ANKRD11: variants seen among roughly 807,000 people sequenced by gnomAD.
The protein encoded by ANKRD11 is ankyrin repeat domain-containing protein 11.
A neutral mutation model predicts 195.7 loss-of-function variants in ANKRD11; 17 were observed. That is an observed-to-expected ratio of 0.09 (90% CI 0.06 to 0.13). The LOEUF (loss-of-function observed/expected upper bound fraction) is 0.13. Ranked by LOEUF, ANKRD11 falls within the 10% of genes least tolerant of loss-of-function variation. The pLI, the probability that ANKRD11 is intolerant of heterozygous loss-of-function variation, is 1.00. For synonymous variants in ANKRD11, 1,953 were observed against 1,528.1 expected, an observed-to-expected ratio of 1.28 and a Z score of -6.49; for missense variants, 3,735 against 3,566.1, an observed-to-expected ratio of 1.05 and a Z score of -1.21.
intron 1 of ANKRD11, among the ~76,000 whole-genome samples, chr16:89,456,167 G>A (rs1299002227): frequency 6.6e-6 from 1 of 151,726 alleles, no homozygotes; most frequent in Non-Finnish European, 1.5e-5. Context: ...TTGAACCCAG[G>A]AGGCGGATGT....
intron 4 of ANKRD11, among the ~76,000 whole-genome samples, chr16:89,295,985 C>CTTTTTTTTTTTTTTTTTTTTTTTT (rs60214636): frequency 2.7e-4 from 12 of 45,144 alleles, no homozygotes; most frequent in Admixed American, 6.8e-4. Context: ...ATCTGGCTGC[C>CTTTTTTTTTTTTTTTTTTTTTTTT]TTTTTTTTTT....
intron 1 of ANKRD11, among the ~76,000 whole-genome samples, chr16:89,449,187 C>CAA (rs397778191): frequency 1.6e-4 from 12 of 73,426 alleles, no homozygotes; most frequent in African/African-American, 3.8e-4. Context: ...CCAGTCTCTA[C>CAA]AAAAAAAAAA....
intron 2 of ANKRD11, among the ~76,000 whole-genome samples, chr16:89,380,433 T>G (rs1467413971): frequency 1.3e-5 from 2 of 152,106 alleles, no homozygotes; most frequent in African/African-American, 2.4e-5. Context: ...TTTTAACTCC[T>G]TTTCTCCTAA....
chr16:89,271,265 G>A (rs1470150855), intron 11 of ANKRD11: 9 of 347,036 alleles, frequency 2.6e-5, no homozygotes, highest in East Asian at 7.3e-5. Context: ...AAGAGACAGA[G>A]TTTCGCTTGT....
chr16:89,291,617 T>A lies in ANKRD11; in HGVS notation c.227-434A>T. On this transcript the variant is annotated intron_variant, in intron 4 of 12. Coordinates refer to ENST00000301030, the MANE Select transcript of ANKRD11 (RefSeq NM_013275.6). This position sits in a 1 kb window ranked among gnomAD's most constrained non-coding sequence, Gnocchi z 5.3. ...CCGTCCCTCCTCCAAACAGTGCAGA[T>A]ATAAAATGGCAGACACAGTTTAAAA... is the stretch of plus-strand genomic sequence containing the variant. The A allele has an allele frequency of 8.4e-7, 1 of 1,186,792 alleles. No individual in the cohort carries two copies. Among genetic ancestry groups the A allele is most frequent in the South Asian group, 1.3e-5 (1 of 78,866 alleles). 73.5% of individuals were successfully genotyped at this position (1,186,792 alleles called of 1,614,324 possible).
chr16:89,305,212 CCGAGTCCTTCTG>C lies in ANKRD11; in HGVS notation c.208_219del (p.Gln70_Ser73del), dbSNP rs762095535. On this transcript the variant is annotated inframe_deletion, in exon 4 of 13. Transcript: ENST00000301030. ...AGGGGCCGCGGGCTGGTACCTGTGT[CCGAGTCCTTCTG>C]CTCCCCATTGGCGCCCGCGGTGAAG... The C allele has an allele frequency of 1.4e-5, 22 of 1,612,546 alleles. No homozygotes were observed. Among genetic ancestry groups the C allele is most frequent in the Non-Finnish European group, 1.9e-5 (22 of 1,179,784 alleles).
chr16:89,445,864 G>A (rs2043761744), intron 1 of ANKRD11, among the ~76,000 whole-genome samples: 4 of 152,034 alleles, frequency 2.6e-5, no homozygotes, highest in Non-Finnish European at 5.9e-5. Context: ...AGCTACTCAG[G>A]AGGCTGAGGC....
In ANKRD11 at chr16:89,396,551, A is replaced by G. The variant is rs558131045; in HGVS notation, c.-60+21733T>C. Among the ~76,000 whole-genome samples the G allele has an allele frequency of 7.3e-5, 11 of 151,644 alleles. No homozygotes were observed. In the South Asian group the frequency reaches 2.3e-3, roughly 31 times the overall value. The stretch of plus-strand genomic sequence containing the variant: ...TTTTCCCACTAGATTTTTTTTTTGT[A>G]TACTTCAACTAGAACAACATATTTA... On this transcript the variant is annotated intron_variant, in intron 2 of 12. Transcript: ENST00000301030.
In ANKRD11 at chr16:89,270,680, A is replaced by G. The variant is rs115618588; in HGVS notation, c.7806+137T>C. On this transcript the variant is annotated intron_variant, in intron 12 of 12. Coordinates refer to ENST00000301030, the MANE Select transcript of ANKRD11 (RefSeq NM_013275.6). The stretch of plus-strand genomic sequence containing the variant: ...CGAAAGCATCGGCCAGATTAAGAGA[A>G]TCTGAAATTGTCACCGCCCATCACA... 499 of 856,338 alleles carry G rather than the reference A, an allele frequency of 5.8e-4. 2 individuals are homozygous for G. In the African/African-American group the frequency reaches 7.6e-3, roughly 13 times the overall value. The allele number at this position is 856,338 out of a possible 1,614,324, so 53.0% of individuals were successfully genotyped here.
At chr16:89,418,930 C>T (rs2042405306) in intron 1 of ANKRD11, among the ~76,000 whole-genome samples, 1 of 151,980 alleles carries the variant, frequency 6.6e-6, no homozygotes, top group African/African-American at 2.4e-5. Flanking sequence ...CCACCCACCC[C>T]CGGCTGATCT....
chr16:89,343,516 A>G (rs1336972821), intron 2 of ANKRD11, among the ~76,000 whole-genome samples: 1 of 152,200 alleles, frequency 6.6e-6, no homozygotes. Context: ...CGAGCAAATG[A>G]GACAGAGCTC....
At chr16:89,370,149 G>T (rs1006188134) in intron 2 of ANKRD11, among the ~76,000 whole-genome samples, 21 of 152,250 alleles carry the variant, frequency 1.4e-4, no homozygotes, top group Non-Finnish European at 1.6e-4. Context: ...TCAGTAAAAT[G>T]CTCTTTGCAT....
At chr16:89,479,295 C>T (rs1216371005) in intron 1 of ANKRD11, among the ~76,000 whole-genome samples, 1 of 151,808 alleles carries the variant, frequency 6.6e-6, no homozygotes, top group Admixed American at 6.6e-5. Context: ...ACACTAATTA[C>T]AAGGAAAGTT....
intron 2 of ANKRD11, among the ~76,000 whole-genome samples, chr16:89,351,143 C>T (rs1567686126): frequency 6.6e-6 from 1 of 152,164 alleles, no homozygotes; most frequent in Admixed American, 6.5e-5. Context: ...TGGACGATGG[C>T]GGGCACAAGA....
At position 89,396,640 on chromosome 16, in the gene ANKRD11, G is replaced by C. The variant is rs1285358841; in HGVS notation, c.-60+21644C>G. Among the ~76,000 whole-genome samples the C allele has an allele frequency of 2.0e-5, 3 of 152,224 alleles. No homozygotes were observed. In the East Asian group the frequency reaches 5.8e-4, roughly 29 times the overall value. ...GTCTTCTATGAAGCCACACATTAAT[G>C]GGGTTTGTACAATTTTAAGGAAATG... On this transcript the variant is annotated intron_variant, in intron 2 of 12. Transcript: ENST00000301030.
At chr16:89,273,697 A>C (rs748757339) in intron 11 of ANKRD11, among the ~76,000 whole-genome samples, 9 of 136,888 alleles carry the variant, frequency 6.6e-5, no homozygotes, top group Admixed American at 1.4e-4. Flanking sequence ...CTCCGTCACA[A>C]AAAAAAAAAG....
rs568860823 is a variant in ANKRD11 at position 89,443,924 on chromosome 16, G to C, written c.-144-25556C>G. 2.0e-5 allele frequency among the ~76,000 whole-genome samples: 3 copies of C among 152,162 alleles called. No individual in the cohort carries two copies. The South Asian group carries it at 6.2e-4, about 32-fold the overall frequency. ...CTGTGCCAACTACAGCTGCCGTGCC[G>C]GGCCGGCGTCAACACCGAAGGAGAG... On this transcript the variant is annotated intron_variant, in intron 1 of 12. Coordinates refer to ENST00000301030, the MANE Select transcript of ANKRD11 (RefSeq NM_013275.6).
In ANKRD11 at chr16:89,280,520, A is replaced by C. The variant is rs1665354476; in HGVS notation, c.6022T>G (p.Phe2008Val). The stretch of plus-strand genomic sequence containing the variant: ...GGGTACGGCGCCTCCGAGGCGCTGA[A>C]GGGCCCTGGGGCGGCAGAGTGGAGG... ...DPLHSAAPGPFSASEAPYPAP... is the reference protein window; with the variant it reads ...DPLHSAAPGPVSASEAPYPAP... The change falls in exon 9 of 13, where the codon TTC becomes GTC. Residue 2008 changes from phenylalanine to valine, a missense_variant. Physicochemically the swap from Phe to Val is conservative, Grantham distance 50. Transcript: ENST00000301030. 6.2e-7 allele frequency: 1 copy of C among 1,611,042 alleles called. No individual in the cohort carries two copies.
chr16:89,409,295 C>G (rs1157800397), intron 2 of ANKRD11, among the ~76,000 whole-genome samples: 1 of 152,214 alleles, frequency 6.6e-6, no homozygotes, highest in Non-Finnish European at 1.5e-5. Context: ...CAAGAAAGCT[C>G]AAACCCCCAC....
Sources: gnomAD v4.1 joint callset for allele counts (sites outside exome capture counted in the v4.1 genomes callset) on GRCh38, gnomAD v4.1.1 for gene constraint, Gnocchi (gnomAD v3.1) non-coding constraint, MANE v1.5 for transcripts, NCBI Gene and HGNC (gene_info 2026-07-23, HGNC 2026-07-21) for gene names.